The following ENTREP1 variants were observed in gnomAD, a reference collection of about 807,000 sequenced individuals.
The protein encoded by ENTREP1 is Friedreich ataxia region gene X123.
At chr9:69,363,756 G>C in the ENTREP1 span, among the ~76,000 whole-genome samples, 1 of 152,184 alleles carries the variant, frequency 6.6e-6, no homozygotes, top group African/African-American at 2.4e-5. Context: ...GTCCCTGTTG[G>C]TTGAGCTTCA....
At chr9:69,369,706 G>C in the ENTREP1 span, among the ~76,000 whole-genome samples, 1 of 151,858 alleles carries the variant, frequency 6.6e-6, no homozygotes, top group African/African-American at 2.4e-5. Context: ...CCAGCACTTG[G>C]TTTTGTCAGT....
the ENTREP1 span, among the ~76,000 whole-genome samples, chr9:69,378,374 G>T: frequency 6.6e-5 from 10 of 152,108 alleles, no homozygotes; most frequent in African/African-American, 2.2e-4. Flanking sequence ...TTAAAATTTT[G>T]ACCTTCTTAA....
the ENTREP1 span, chr9:69,325,439 C>T: frequency 1.0e-5 from 10 of 964,932 alleles, no homozygotes; most frequent in Non-Finnish European, 1.2e-5. Flanking sequence ...GCTGCGGCCG[C>T]GCTGGCCCCG....
chr9:69,388,227 T>C, the ENTREP1 span: 1 of 1,614,166 alleles, frequency 6.2e-7, no homozygotes, highest in East Asian at 2.2e-5. Flanking sequence ...GCAGTGACTC[T>C]GAGGAGAGGC....
the ENTREP1 span, among the ~76,000 whole-genome samples, chr9:69,350,058 C>T: frequency 6.6e-6 from 1 of 151,966 alleles, no homozygotes; most frequent in Non-Finnish European, 1.5e-5. Flanking sequence ...TTGATGATGC[C>T]CTTTGAAGCA....
the ENTREP1 span, chr9:69,387,781 G>T: frequency 1.4e-6 from 1 of 693,252 alleles, no homozygotes; most frequent in Non-Finnish European, 2.1e-6. Context: ...CTCGCTCCTT[G>T]GAACATCCTT....
the ENTREP1 span, chr9:69,371,191 C>A: frequency 8.4e-6 from 3 of 357,684 alleles, no homozygotes; most frequent in African/African-American, 6.4e-5. Context: ...ATAAGAGTGG[C>A]TCAAGGAGGA....
At chr9:69,376,049 A>T in the ENTREP1 span, among the ~76,000 whole-genome samples, 1 of 152,234 alleles carries the variant, frequency 6.6e-6, no homozygotes, top group Non-Finnish European at 1.5e-5. Context: ...TGTGTGTTAA[A>T]TTATGTATGG....
the ENTREP1 span, among the ~76,000 whole-genome samples, chr9:69,354,251 A>G: frequency 1.1e-5 from 1 of 93,742 alleles, no homozygotes; most frequent in African/African-American, 4.5e-5. Context: ...GCCCTATTGC[A>G]ACATTTTTTT....
At chr9:69,342,647 C>T in the ENTREP1 span, among the ~76,000 whole-genome samples, 272 of 152,328 alleles carry the variant, frequency 1.8e-3, no homozygotes, top group African/African-American at 6.2e-3. Context: ...AATTTGTACG[C>T]TCATCTGTAC....
At chr9:69,338,022 T>C in the ENTREP1 span, among the ~76,000 whole-genome samples, 1 of 152,202 alleles carries the variant, frequency 6.6e-6, no homozygotes, top group Non-Finnish European at 1.5e-5. Context: ...CCCAATACTG[T>C]ATTGATGGTC....
the ENTREP1 span, among the ~76,000 whole-genome samples, chr9:69,347,116 T>A: frequency 6.6e-6 from 1 of 152,190 alleles, no homozygotes; most frequent in African/African-American, 2.4e-5. Flanking sequence ...ATGAATATAC[T>A]TCTAGCTGAC....
chr9:69,376,893 C>T, the ENTREP1 span, among the ~76,000 whole-genome samples: 38 of 152,256 alleles, frequency 2.5e-4, 1 homozygote, highest in African/African-American at 9.1e-4. Flanking sequence ...TCAGTGTCCT[C>T]GTCGTGTGCA....
At chr9:69,324,581 A>G in the ENTREP1 span, 46 of 984,972 alleles carry the variant, frequency 4.7e-5, no homozygotes, top group Non-Finnish European at 5.3e-5. Flanking sequence ...CAGTCCTTTC[A>G]TTCCCGCTCC....
At chr9:69,325,253 C>T in the ENTREP1 span, 1 of 1,061,412 alleles carries the variant, frequency 9.4e-7, no homozygotes, top group Non-Finnish European at 1.1e-6. Context: ...GGCTCCGCTC[C>T]GCGTCCTCTG....
At chr9:69,325,577 G>T in the ENTREP1 span, 2 of 1,223,036 alleles carry the variant, frequency 1.6e-6, no homozygotes, top group Non-Finnish European at 2.0e-6. Flanking sequence ...CCCGGGCTCC[G>T]CGCTGCTGCC....
the ENTREP1 span, among the ~76,000 whole-genome samples, chr9:69,357,034 G>A: frequency 6.8e-6 from 1 of 147,636 alleles, no homozygotes; most frequent in Non-Finnish European, 1.5e-5. Context: ...GAGGTGGAAG[G>A]ATCAGCTTGA....
chr9:69,357,412 A>G, the ENTREP1 span, among the ~76,000 whole-genome samples: 2 of 152,206 alleles, frequency 1.3e-5, no homozygotes, highest in African/African-American at 2.4e-5. Context: ...TAAACACTTT[A>G]TAAAAAGAAA....
chr9:69,340,701 G>GCA, the ENTREP1 span, among the ~76,000 whole-genome samples: 213 of 143,754 alleles, frequency 1.5e-3, 4 homozygotes, highest in East Asian at 0.038. Flanking sequence ...GTGTATGTGT[G>GCA]TGTGTATGTG....
Sources: gnomAD v4.1 joint callset for allele counts (sites outside exome capture counted in the v4.1 genomes callset) on GRCh38, gnomAD v4.1.1 for gene constraint, MANE v1.5 for transcripts, NCBI Gene and HGNC (gene_info 2026-07-23, HGNC 2026-07-21) for gene names.